Variants in ZNF823 observed in about 807,000 individuals in gnomAD.
ZNF823 encodes ZFP 36 for a zinc finger protein.
ZNF823 carries 5 observed loss-of-function variants against 11.4 expected under a neutral mutation model. That is an observed-to-expected ratio of 0.44 (90% CI 0.23 to 0.92). The LOEUF (loss-of-function observed/expected upper bound fraction) is 0.92. Ranked by LOEUF, ZNF823 falls within the 40% of genes least tolerant of loss-of-function variation. ZNF823 has a pLI of 0.24. For missense variants in ZNF823, 582 were observed against 738.5 expected (o/e 0.79, Z 2.46); for synonymous variants, 234 against 250.5 (o/e 0.93, Z 0.62).
At position 11,721,541 on chromosome 19, in the gene ZNF823, A is replaced by G; in HGVS notation, c.*160T>C. 3 of 710,156 alleles carry G rather than the reference A, an allele frequency of 4.2e-6. No individual in the cohort carries two copies. Among genetic ancestry groups the G allele is most frequent in the Non-Finnish European group, 6.8e-6 (3 of 440,618 alleles). 44.0% of individuals were successfully genotyped at this position (710,156 alleles called of 1,614,324 possible). The stretch of plus-strand genomic sequence containing the variant: ...CATCTGTGGATTTAGAGGGTGCTGG[A>G]ACCAATCCCCTGCAATATATTGGGG... On this transcript the variant is annotated 3_prime_UTR_variant, in exon 4 of 4. Coordinates refer to ENST00000341191, the MANE Select transcript of ZNF823 (RefSeq NM_001080493.4).
intron 1 of ZNF823, among the ~76,000 whole-genome samples, chr19:11,732,251 G>A (rs1330501022): frequency 1.4e-5 from 2 of 146,230 alleles, no homozygotes; most frequent in African/African-American, 2.5e-5. Context: ...TGCAAGCTCC[G>A]CCTCCCGGGC....
chr19:11,735,104 G>A (rs369804263), intron 1 of ZNF823, among the ~76,000 whole-genome samples: 1 of 151,426 alleles, frequency 6.6e-6, no homozygotes, highest in South Asian at 2.1e-4. Flanking sequence ...GTGAAACCCC[G>A]TCTCTACTAA....
Position 11,726,287 on chromosome 19 carries a change from C to CATATAT in ZNF823, c.4-966_4-961dup, listed in dbSNP as rs139368397. ...AGTAAAAAACAAAAAATAAAAAATA[C>CATATAT]ATATATATATATATATATATAAATT... On this transcript the variant is annotated intron_variant, in intron 1 of 3. Transcript: ENST00000341191. Among the ~76,000 whole-genome samples the CATATAT allele has an allele frequency of 5.3e-3, 591 of 112,226 alleles. 8 individuals are homozygous for CATATAT. Among genetic ancestry groups the CATATAT allele is most frequent in the African/African-American group, 0.015 (559 of 36,082 alleles). 73.6% of individuals were successfully genotyped at this position (112,226 alleles called of 152,430 possible). A position where few individuals can be genotyped will look rare whatever the true frequency, so the allele number is the denominator to read the frequency against.
chr19:11,738,562 G>A (rs575937671), intron 1 of ZNF823, among the ~76,000 whole-genome samples: 70 of 152,354 alleles, frequency 4.6e-4, no homozygotes, highest in African/African-American at 1.6e-3. Flanking sequence ...CTGCGGGCGC[G>A]GAGCTGCCCA....
chr19:11,727,705 GT>G (rs1230211942), intron 1 of ZNF823, among the ~76,000 whole-genome samples: 6 of 152,244 alleles, frequency 3.9e-5, no homozygotes, highest in African/African-American at 1.2e-4. Context: ...GCTTTGTGGA[GT>G]TTTTATTTGC....
intron 1 of ZNF823, among the ~76,000 whole-genome samples, chr19:11,733,636 T>C (rs775146053): frequency 8.6e-5 from 13 of 151,994 alleles, no homozygotes; most frequent in Non-Finnish European, 1.6e-4. Flanking sequence ...GAGATGGAGG[T>C]TGCAGTGAGC....
rs538908376 is a variant in ZNF823 at position 11,723,558 on chromosome 19, T to C, written c.192-216A>G. ...AGATTCTTTCTTTCTTTCTTTCTTT[T>C]TTTTGAGACGGAGCTTCACTCTTGT... is the stretch of plus-strand genomic sequence containing the variant. On this transcript the variant is annotated intron_variant, in intron 3 of 3. Coordinates refer to ENST00000341191, the MANE Select transcript of ZNF823 (RefSeq NM_001080493.4). Among the ~76,000 whole-genome samples, 320 of 152,284 alleles carry C rather than the reference T, an allele frequency of 2.1e-3. 2 individuals are homozygous for C. The highest frequency in any genetic ancestry group is 7.1e-3 in the African/African-American group (294 of 41,550).
chr19:11,722,660 G>A lies in ZNF823; in HGVS notation c.874C>T (p.Arg292Ter), dbSNP rs746420320. ...GKAFSCYYYT[R>*]LHERTHTGEQ... ...CCCGTGTGAGTCCTTTCATGTAGTC[G>A]AGTGTAATAGTAACAGCTGAAGGCT... The change falls in exon 4 of 4, where the codon CGA becomes TGA. Residue 292 changes from arginine to a stop codon, truncating the protein, a stop_gained. Transcript: ENST00000341191. LOFTEE classifies it low-confidence loss of function (END_TRUNC). This position sits in a 1 kb window ranked among gnomAD's most constrained non-coding sequence, Gnocchi z 5.2. 6 of 1,613,792 alleles carry A rather than the reference G, an allele frequency of 3.7e-6. No individual in the cohort carries two copies. The highest frequency in any genetic ancestry group is 2.2e-5 in the East Asian group (1 of 44,892).
chr19:11,735,026 C>T (rs1046203557), intron 1 of ZNF823, among the ~76,000 whole-genome samples: 2 of 152,044 alleles, frequency 1.3e-5, no homozygotes, highest in Admixed American at 1.3e-4. Context: ...TGTAATCCCA[C>T]CACTTTGGGA....
In ZNF823 at chr19:11,723,245, G is replaced by A. The variant is rs779218577; in HGVS notation, c.289C>T (p.Pro97Ser). 2 of 1,614,040 alleles carry A rather than the reference G, an allele frequency of 1.2e-6. No homozygotes were observed. The highest frequency in any genetic ancestry group is 2.2e-5 in the South Asian group (2 of 91,084). Residue 97 changes from proline (P) to serine (S), a missense_variant, in exon 4 of 4, where the codon CCA (proline) becomes TCA (serine). By Grantham distance (74) the Pro-to-Ser change is moderately conservative. Transcript: ENST00000341191. ...IVNKNTPRVN[P>S]CDSGECGEVV... The stretch of plus-strand genomic sequence containing the variant: ...TCTCCACACTCACCACTGTCACATG[G>A]ATTTACTCGAGGAGTGTTCTTGTTC...
intron 3 of ZNF823, among the ~76,000 whole-genome samples, chr19:11,723,617 C>G (rs1487090136): frequency 6.6e-6 from 1 of 152,160 alleles, no homozygotes; most frequent in East Asian, 1.9e-4. Flanking sequence ...ACAGTCTCGG[C>G]TCACTGCAAC....
At chr19:11,728,327 T>G (rs907476331) in intron 1 of ZNF823, among the ~76,000 whole-genome samples, 6 of 152,170 alleles carry the variant, frequency 3.9e-5, no homozygotes, top group East Asian at 1.9e-4. Context: ...CTACTAAGTC[T>G]TGGGAAGAAA....
At position 11,721,744 on chromosome 19, in the gene ZNF823, G is replaced by A. The variant is rs374836446; in HGVS notation, c.1790C>T (p.Ser597Phe). Reference sequence around the variant, plus strand: ...GTGAGTCCTTTTATGTCTATGCAAGGAACGGAGAGAACTCAATGCTTTCCC... The same window carrying A: ...GTGAGTCCTTTTATGTCTATGCAAGAAACGGAGAGAACTCAATGCTTTCCC... ...ECGKALSSLR[S>F]LHRHKRTHWK... is the part of the protein sequence containing the mutation. The change falls in exon 4 of 4, where the codon TCC becomes TTC. Residue 597 changes from serine to phenylalanine, a missense_variant. Ser to Phe is a radical substitution (Grantham distance 155, BLOSUM62 -2). Coordinates refer to ENST00000341191, the MANE Select transcript of ZNF823 (RefSeq NM_001080493.4). 6 of 1,613,758 alleles carry A rather than the reference G, an allele frequency of 3.7e-6. No individual in the cohort carries two copies. Among genetic ancestry groups the A allele is most frequent in the Non-Finnish European group, 5.1e-6 (6 of 1,179,852 alleles).
intron 2 of ZNF823, among the ~76,000 whole-genome samples, chr19:11,724,683 C>T (rs939346724): frequency 2.0e-5 from 3 of 151,684 alleles, no homozygotes; most frequent in Admixed American, 6.6e-5. Context: ...CTCAGCCTCC[C>T]GAGTAGCTGG....
rs893334711 is a variant in ZNF823, at chr19:11,723,096, A to G, written c.438T>C (p.Ser146=). Residue 146 remains serine (S), a synonymous_variant, in exon 4 of 4, where the codon AGT becomes AGC. Transcript: ENST00000341191. The stretch of plus-strand genomic sequence containing the variant: ...CATGTGTCTGGAAGGAGTGCTGATG[A>G]CTGATGGCTTTCCCACGTTGTTTAT... The part of the protein sequence containing the change: ...YTHKQRGKAI[S]HQHSFQTHER... 9.9e-6 allele frequency: 16 copies of G among 1,613,982 alleles called. No homozygotes were observed. The Admixed American group carries it at 2.3e-4, about 24-fold the overall frequency.
rs1974769006 is a variant in ZNF823, at chr19:11,725,217, C to T, written c.114G>A (p.Arg38=). 1 of 1,613,786 alleles carries T rather than the reference C, an allele frequency of 6.2e-7. No homozygotes were observed. Among genetic ancestry groups the T allele is most frequent in the South Asian group, 1.1e-5 (1 of 91,086 alleles). Residue 38 remains arginine, a synonymous_variant, in exon 2 of 4, where the codon AGG becomes AGA. Transcript: ENST00000341191. ...LYRNVMQETI[R]NLDCIEMKWE... ...CATCCTTACCTATACAGTCCAGGTT[C>T]CTAATGGTTTCCTGCATGACATTTC...
chr19:11,733,422 T>C (rs541758435), intron 1 of ZNF823, among the ~76,000 whole-genome samples: 22 of 150,634 alleles, frequency 1.5e-4, no homozygotes, highest in African/African-American at 4.2e-4. Flanking sequence ...TGTTTTAGGC[T>C]GGGCATGGTG....
chr19:11,730,155 C>T (rs968420222), intron 1 of ZNF823, among the ~76,000 whole-genome samples: 2 of 151,902 alleles, frequency 1.3e-5, no homozygotes, highest in Admixed American at 6.6e-5. Context: ...CTCAAACTCC[C>T]GACCTCAGAT....
At chr19:11,738,146 G>A (rs1975028877) in intron 1 of ZNF823, among the ~76,000 whole-genome samples, 1 of 152,194 alleles carries the variant, frequency 6.6e-6, no homozygotes, top group African/African-American at 2.4e-5. Flanking sequence ...TCAGGTCACA[G>A]CAGACGCTGA....
Sources: allele counts gnomAD v4.1 joint callset (sites outside exome capture counted in the v4.1 genomes callset), GRCh38; gene constraint gnomAD v4.1.1; non-coding constraint Gnocchi (gnomAD v3.1); transcripts MANE v1.5; gene names NCBI Gene and HGNC (gene_info 2026-07-23, HGNC 2026-07-21).